Variants in TRPM4 observed in about 807,000 individuals in gnomAD.
TRPM4 encodes transient receptor potential cation channel subfamily M member 4.
A neutral mutation model predicts 135.6 loss-of-function variants in TRPM4; 124 were observed. The observed-to-expected ratio is 0.91, with a 90% CI of 0.79 to 1.06. The LOEUF is 1.06. Among genes scored for constraint, TRPM4 ranks in the 50% least tolerant of loss-of-function variants. The pLI, the probability that TRPM4 is intolerant of heterozygous loss-of-function variation, is 0.00. For synonymous variants in TRPM4, 745 were observed against 705.6 expected (o/e 1.06, Z -0.88); for missense variants, 1,658 against 1,671.4 (o/e 0.99, Z 0.14).
intron 17 of TRPM4, among the ~76,000 whole-genome samples, chr19:49,197,428 CTT>C (rs1344602130): frequency 7.3e-6 from 1 of 137,018 alleles, no homozygotes; most frequent in Non-Finnish European, 1.6e-5. Flanking sequence ...TTTCTCTTTT[CTT>C]TCTCTCTCTC....
At chr19:49,174,046 G>T (rs1967576897) in intron 9 of TRPM4, among the ~76,000 whole-genome samples, 1 of 152,060 alleles carries the variant, frequency 6.6e-6, no homozygotes, top group African/African-American at 2.4e-5. Context: ...AAAGACCCCA[G>T]ATCCCACTAG....
chr19:49,160,830 A>G (rs183925475), intron 2 of TRPM4, among the ~76,000 whole-genome samples: 155 of 152,158 alleles, frequency 1.0e-3, no homozygotes, highest in African/African-American at 3.5e-3. Flanking sequence ...GGCCTGAGCC[A>G]GGTCAGGGCT....
At chr19:49,177,517 G>T (rs1013405212) in intron 9 of TRPM4, among the ~76,000 whole-genome samples, 2 of 151,668 alleles carry the variant, frequency 1.3e-5, no homozygotes, top group Non-Finnish European at 2.9e-5. Flanking sequence ...TAGTAGAGAT[G>T]GGGTTTCACC....
intron 9 of TRPM4, among the ~76,000 whole-genome samples, chr19:49,179,149 G>A (rs1210612570): frequency 3.3e-5 from 5 of 151,110 alleles, no homozygotes; most frequent in African/African-American, 1.2e-4. Flanking sequence ...TCCACCTCCC[G>A]GGTTCAAGCG....
intron 17 of TRPM4, among the ~76,000 whole-genome samples, chr19:49,197,310 T>TCTTTC (rs1568485762): frequency 1.0e-4 from 6 of 57,410 alleles, no homozygotes; most frequent in African/African-American, 5.0e-4. Context: ...TTCTTTCTTT[T>TCTTTC]TCTTTCTTTC....
Position 49,210,102 on chromosome 19 carries a change from T to G in TRPM4, c.3132-107T>G. 1 of 1,203,466 alleles carries G rather than the reference T, an allele frequency of 8.3e-7. No homozygotes were observed. Among genetic ancestry groups the G allele is most frequent in the Non-Finnish European group, 1.2e-6 (1 of 806,994 alleles). The allele number at this position is 1,203,466 out of a possible 1,614,324, so 74.5% of individuals were successfully genotyped here. A position where few individuals can be genotyped will look rare whatever the true frequency, so the allele number is the denominator to read the frequency against. ...ACCTCTGACTTTAGTGATCTTGACT[T>G]CTGTCTGCTGCTATAGACTGAACAA... On this transcript the variant is annotated intron_variant, in intron 20 of 24. Coordinates refer to ENST00000252826, the MANE Select transcript of TRPM4 (RefSeq NM_017636.4). This position sits in a 1 kb window ranked among gnomAD's most constrained non-coding sequence, Gnocchi z 4.1.
chr19:49,192,820 A>AAAAATAAAT (rs1402616915), intron 16 of TRPM4, among the ~76,000 whole-genome samples: 2 of 152,096 alleles, frequency 1.3e-5, no homozygotes, highest in Non-Finnish European at 2.9e-5. Flanking sequence ...TGTACCTCTG[A>AAAAATAAAT]ACTAAAAATA....
chr19:49,193,610 C>G (rs978105464), intron 16 of TRPM4, among the ~76,000 whole-genome samples: 1 of 152,102 alleles, frequency 6.6e-6, no homozygotes, highest in South Asian at 2.1e-4. Context: ...CAAGATCCCC[C>G]CAGAGAGGCT....
intron 6 of TRPM4, among the ~76,000 whole-genome samples, chr19:49,170,634 C>T (rs1967417416): frequency 6.6e-6 from 1 of 152,216 alleles, no homozygotes; most frequent in South Asian, 2.1e-4. Context: ...CTCCCTCTGG[C>T]TCCTGGATGG....
At chr19:49,164,402 A>G (rs1282059620) in intron 2 of TRPM4, among the ~76,000 whole-genome samples, 1 of 36,936 alleles carries the variant, frequency 2.7e-5, no homozygotes, top group Non-Finnish European at 5.3e-5. Context: ...TTTTTTTGAG[A>G]TGGAGTTTCG....
In TRPM4 at chr19:49,198,939, C is replaced by T. The variant is rs1236362419; in HGVS notation, c.2646-1361C>T. 2.0e-5 allele frequency among the ~76,000 whole-genome samples: 3 copies of T among 152,020 alleles called. No individual in the cohort carries two copies. The East Asian group carries it at 5.8e-4, about 29-fold the overall frequency. On this transcript the variant is annotated intron_variant, in intron 17 of 24. Transcript: ENST00000252826. ...ATTCCAAAATAATAAAAGTTTACAT[C>T]CCAGATGTAAAGTTTATGGGTCAAA...
rs766411985 is a variant in TRPM4 at position 49,210,329 on chromosome 19, C to G, written c.3252C>G (p.His1084Gln). Residue 1084 changes from histidine to glutamine, a missense_variant, in exon 21 of 25, where the codon CAC becomes CAG. His to Gln is a conservative substitution (Grantham distance 24). This residue lies in a region of TRPM4 where 1,412 missense variants were observed against 1,408.7 expected (regional missense o/e 1.00). Transcript: ENST00000252826. The surrounding 1 kb of genome is among the most constrained non-coding windows in gnomAD (Gnocchi z 4.1). ...CCCCGCCCTTTATCGTCATCTCCCA[C>G]TTGCGCCTCCTGCTCAGGCAATTGT... ...ALAPPFIVIS[H>Q]LRLLLRQLCR... 5.6e-6 allele frequency: 9 copies of G among 1,614,128 alleles called. No homozygotes were observed. The highest frequency in any genetic ancestry group is 7.6e-6 in the Non-Finnish European group (9 of 1,180,058).
At position 49,202,002 on chromosome 19, in the gene TRPM4, G is replaced by A. The variant is rs144702920; in HGVS notation, c.2992G>A (p.Gly998Ser). 1.8e-5 allele frequency: 29 copies of A among 1,613,468 alleles called. No individual in the cohort carries two copies. The highest frequency in any genetic ancestry group is 3.3e-5 in the Admixed American group (2 of 59,988). The change falls in exon 20 of 25, where the codon GGC (glycine) becomes AGC (serine). Residue 998 changes from glycine (G) to serine (S), a missense_variant. By Grantham distance (56) the Gly-to-Ser change is moderately conservative. Transcript: ENST00000252826. ...MEHSNCSSEP[G>S]FWAHPPGAQA... ...GCACAGCAACTGCTCGTCGGAGCCC[G>A]GCTTCTGGGCACACCCTCCTGGGGC...
At chr19:49,176,309 C>G (rs1299219406) in intron 9 of TRPM4, among the ~76,000 whole-genome samples, 1 of 152,106 alleles carries the variant, frequency 6.6e-6, no homozygotes, top group Non-Finnish European at 1.5e-5. Flanking sequence ...CTCACTGCAG[C>G]CTTGAGATCC....
At chr19:49,172,204 C>A in intron 9 of TRPM4, 96 bp downstream of exon 9, 1 of 952,040 alleles carries the variant, frequency 1.1e-6, no homozygotes, top group Non-Finnish European at 1.7e-6. Flanking sequence ...TAATCCAAGG[C>A]CCATGCCCCC....
Position 49,166,037 on chromosome 19 carries a change from C to A in TRPM4, c.93-4C>A, listed in dbSNP as rs963965514. 1 of 1,590,118 alleles carries A rather than the reference C, an allele frequency of 6.3e-7. No homozygotes were observed. The highest frequency in any genetic ancestry group is 1.3e-5 in the African/African-American group (1 of 74,810). On this transcript the variant is annotated splice_region_variant and splice_polypyrimidine_tract_variant and intron_variant, in intron 2 of 24. Coordinates refer to ENST00000252826, the MANE Select transcript of TRPM4 (RefSeq NM_017636.4). ...GGGTTCACGCTCCGCCCTCGCACCC[C>A]CAGAGGGACCTTGTGCCAGTGTGGG... is the stretch of plus-strand genomic sequence containing the variant.
At position 49,161,074 on chromosome 19, in the gene TRPM4, G is replaced by A. The variant is rs773741280; in HGVS notation, c.92+2815G>A. ...GCAATGTGGGAATCTGTGCATATGAGCGGCCTAGGGGGACCGAGGGGCATG... is the reference window on the plus strand; with the variant it reads ...GCAATGTGGGAATCTGTGCATATGAACGGCCTAGGGGGACCGAGGGGCATG... On this transcript the variant is annotated intron_variant, in intron 2 of 24. Coordinates refer to ENST00000252826, the MANE Select transcript of TRPM4 (RefSeq NM_017636.4). Among the ~76,000 whole-genome samples the A allele has an allele frequency of 3.9e-5, 6 of 152,112 alleles. No homozygotes were observed. In the South Asian group the frequency reaches 1.2e-3, roughly 32 times the overall value.
chr19:49,179,283 G>C (rs1021887638), intron 9 of TRPM4, among the ~76,000 whole-genome samples: 26 of 151,662 alleles, frequency 1.7e-4, no homozygotes, highest in African/African-American at 6.3e-4. Context: ...TCGAACTCCT[G>C]ACCTCAGGTG....
chr19:49,202,281 A>C (rs1457388760), intron 20 of TRPM4, 140 bp downstream of exon 20: 1 of 983,648 alleles, frequency 1.0e-6, no homozygotes, highest in Non-Finnish European at 1.6e-6. Flanking sequence ...CCCCAAACCC[A>C]ACCAGACCCT....
Sources: gnomAD v4.1 joint callset for allele counts (sites outside exome capture counted in the v4.1 genomes callset) on GRCh38, gnomAD v4.1.1 for gene constraint, gnomAD v4.1.1 regional missense constraint, Gnocchi (gnomAD v3.1) non-coding constraint, MANE v1.5 for transcripts, NCBI Gene and HGNC (gene_info 2026-07-23, HGNC 2026-07-21) for gene names.